IFT74: variants seen among roughly 807,000 people sequenced by gnomAD.
The protein encoded by IFT74 is intraflagellar transport protein 74 homolog.
IFT74 carries 92 observed loss-of-function variants against 96.7 expected under a neutral mutation model. The ratio of observed to expected loss-of-function variants is 0.95; its 90% confidence interval spans 0.80 to 1.13. The LOEUF is 1.13. Ranked by LOEUF, IFT74 falls within the 50% of genes most tolerant of loss-of-function variation. IFT74 has a pLI of 0.00. For synonymous variants in IFT74, 223 were observed against 213.2 expected (o/e 1.05, Z -0.40); for missense variants, 811 against 698.2 (o/e 1.16, Z -1.82).
At chr9:27,061,247 T>C (rs1820409965) in intron 19 of IFT74, among the ~76,000 whole-genome samples, 1 of 152,148 alleles carries the variant, frequency 6.6e-6, no homozygotes, top group African/African-American at 2.4e-5. Flanking sequence ...AGACTTAATG[T>C]GGCATAGTGA....
chr9:26,998,247 AAAAC>A (rs754785181), intron 8 of IFT74: 2 of 1,408,804 alleles, frequency 1.4e-6, no homozygotes, highest in East Asian at 2.4e-5. Flanking sequence ...ACTTCCTAGA[AAAAC>A]AAAAAAAAGA....
chr9:27,038,323 C>T (rs1819298287), intron 13 of IFT74, among the ~76,000 whole-genome samples: 1 of 152,024 alleles, frequency 6.6e-6, no homozygotes, highest in South Asian at 2.1e-4. Context: ...AGTGCAATGG[C>T]GCGATTTTAG....
At chr9:27,040,544 C>CAAAAAAAAAAA (rs751893169) in intron 13 of IFT74, among the ~76,000 whole-genome samples, 5 of 62,092 alleles carry the variant, frequency 8.1e-5, no homozygotes, top group African/African-American at 1.7e-4. Context: ...GACACTGTCT[C>CAAAAAAAAAAA]AAAAAAAAAA....
At chr9:27,028,890 A>G (rs1015040546) in intron 12 of IFT74, 135 bp from the exon 13 acceptor site, 181 of 747,882 alleles carry the variant, frequency 2.4e-4, no homozygotes, top group Middle Eastern at 8.0e-4. Context: ...CAGTTATAGT[A>G]TTGTCCTTAG....
chr9:26,995,348 T>G (rs1334344569), intron 8 of IFT74: 1 of 537,134 alleles, frequency 1.9e-6, no homozygotes, highest in Non-Finnish European at 3.3e-6. Flanking sequence ...AGTTACTGTA[T>G]TTGAACCTGC....
In IFT74 at chr9:27,058,885, T is replaced by G. The variant is rs186912050; in HGVS notation, c.1624-1706T>G. 9.0e-3 allele frequency among the ~76,000 whole-genome samples: 1,373 copies of G among 152,330 alleles called. 6 individuals are homozygous for G. Among genetic ancestry groups the G allele is most frequent in the Non-Finnish European group, 0.015 (1,013 of 68,030 alleles). Reference sequence around the variant, plus strand: ...TCTACTTCATATGGAAACCTAGATATAGACTTATAATTGACACAATTTTCT... The same window carrying G: ...TCTACTTCATATGGAAACCTAGATAGAGACTTATAATTGACACAATTTTCT... On this transcript the variant is annotated intron_variant, in intron 18 of 19. Transcript: ENST00000380062.
chr9:27,040,497 A>G (rs1220111140), intron 13 of IFT74, among the ~76,000 whole-genome samples: 1 of 140,666 alleles, frequency 7.1e-6, no homozygotes, highest in Non-Finnish European at 1.5e-5. Flanking sequence ...TGCAGCTGAG[A>G]TTGCACCATT....
At chr9:27,031,206 C>T (rs187347128) in intron 13 of IFT74, among the ~76,000 whole-genome samples, 5 of 152,220 alleles carry the variant, frequency 3.3e-5, no homozygotes, top group South Asian at 2.1e-4. Flanking sequence ...AGGTCGTGTG[C>T]GGTGGCTCAC....
chr9:27,049,913 A>G (rs191082186), intron 16 of IFT74, among the ~76,000 whole-genome samples: 13 of 152,280 alleles, frequency 8.5e-5, no homozygotes, highest in Non-Finnish European at 1.2e-4. Flanking sequence ...TTGACAAAGT[A>G]AAAAGAGACA....
chr9:27,013,794 CATG>C (rs1829220971), intron 10 of IFT74, among the ~76,000 whole-genome samples: 1 of 152,164 alleles, frequency 6.6e-6, no homozygotes. Context: ...AGGTAGACAT[CATG>C]ATGACAGTAT....
intron 8 of IFT74, chr9:26,993,327 G>T (rs182634888): frequency 1.3e-5 from 2 of 152,134 alleles, no homozygotes; most frequent in Admixed American, 6.5e-5. Context: ...TTTAGAAAAA[G>T]ATATTTTATG....
At chr9:26,986,577 A>G (rs1827647826) in intron 6 of IFT74, among the ~76,000 whole-genome samples, 1 of 152,004 alleles carries the variant, frequency 6.6e-6, no homozygotes, top group South Asian at 2.1e-4. Context: ...TTGGTCTCCC[A>G]AAGTGCTGGG....
intron 3 of IFT74, among the ~76,000 whole-genome samples, chr9:26,980,266 C>G (rs1481092525): frequency 6.6e-6 from 1 of 152,192 alleles, no homozygotes; most frequent in Admixed American, 6.5e-5. Context: ...GAAAGTTACT[C>G]TGGACAGCTC....
At chr9:27,024,051 C>T (rs1369783727) in intron 12 of IFT74, among the ~76,000 whole-genome samples, 1 of 152,140 alleles carries the variant, frequency 6.6e-6, no homozygotes, top group Non-Finnish European at 1.5e-5. Context: ...TAGCTGGAGG[C>T]CAACCAACAC....
intron 13 of IFT74, among the ~76,000 whole-genome samples, chr9:27,032,497 T>C (rs773672157): frequency 4.7e-4 from 71 of 152,256 alleles, no homozygotes; most frequent in Non-Finnish European, 7.8e-4. Flanking sequence ...TGTTTTGCCT[T>C]AAATGACCAT....
chr9:27,056,523 AT>A, intron 18 of IFT74, 64 bp downstream of exon 18: 1 of 1,419,180 alleles, frequency 7.0e-7, no homozygotes, highest in Non-Finnish European at 9.5e-7. Flanking sequence ...AAAACAATCA[AT>A]TTTTTATTTT....
chr9:27,034,836 A>G (rs2131660819), intron 13 of IFT74, among the ~76,000 whole-genome samples: 1 of 152,240 alleles, frequency 6.6e-6, no homozygotes, highest in African/African-American at 2.4e-5. Flanking sequence ...GGCCAGAATC[A>G]TTTTATTTTA....
chr9:26,962,926 A>ATTTTTTTTTTTTTTTTTTTTTTTTTTTTT (rs370313745), intron 2 of IFT74, among the ~76,000 whole-genome samples: 1 of 136,534 alleles, frequency 7.3e-6, no homozygotes, highest in African/African-American at 2.7e-5. Flanking sequence ...AACTTTACTA[A>ATTTTTTTTTTTTTTTTTTTTTTTTTTTTT]TTTTTTTTTT....
chr9:27,065,038 C>A lies in IFT74; in HGVS notation c.*2302C>A, dbSNP rs894051551. Among the ~76,000 whole-genome samples the A allele has an allele frequency of 2.0e-5, 3 of 152,102 alleles. No homozygotes were observed. Among genetic ancestry groups the A allele is most frequent in the Non-Finnish European group, 4.4e-5 (3 of 67,994 alleles). ...TCCTTGACTCTAGAACTGAACCAAT[C>A]TTTACGCAGAAAGAAAGTAGGAGGA... is the stretch of plus-strand genomic sequence containing the variant. On this transcript the variant is annotated 3_prime_UTR_variant, in exon 20 of 20. Coordinates refer to ENST00000380062, the MANE Select transcript of IFT74 (RefSeq NM_025103.4).
Sources: allele counts gnomAD v4.1 joint callset (sites outside exome capture counted in the v4.1 genomes callset), GRCh38; gene constraint gnomAD v4.1.1; transcripts MANE v1.5; gene names NCBI Gene and HGNC (gene_info 2026-07-23, HGNC 2026-07-21).